Variants in PCDH9 observed in about 807,000 individuals in gnomAD.
PCDH9 encodes the protein protocadherin-9.
In PCDH9, 24 loss-of-function variants were observed where a neutral mutation model predicts 70.6. That is an observed-to-expected ratio of 0.34 (90% CI 0.25 to 0.48). PCDH9 has a LOEUF of 0.48. PCDH9 is among the 20% of genes least tolerant of loss of function. The pLI, the probability that PCDH9 is intolerant of heterozygous loss-of-function variation, is 0.99. For synonymous variants in PCDH9, 562 were observed against 558.5 expected (o/e 1.01, Z -0.09); for missense variants, 1,281 against 1,503.6 (o/e 0.85, Z 2.45).
At chr13:66,475,271 GGCACATAGTA>G (rs1220101711) in intron 4 of PCDH9, among the ~76,000 whole-genome samples, 2 of 152,032 alleles carry the variant, frequency 1.3e-5, no homozygotes, top group Non-Finnish European at 2.9e-5. Flanking sequence ...CACACTTGCT[GGCACATAGTA>G]GATGCACAAA....
At chr13:67,180,007 T>C (rs1434830157) in intron 2 of PCDH9, among the ~76,000 whole-genome samples, 1 of 152,158 alleles carries the variant, frequency 6.6e-6, no homozygotes, top group African/African-American at 2.4e-5. Context: ...TTTGCATATA[T>C]AGTCAATTCT....
At chr13:67,075,944 C>T (rs895829376) in intron 2 of PCDH9, among the ~76,000 whole-genome samples, 2 of 151,950 alleles carry the variant, frequency 1.3e-5, no homozygotes, top group African/African-American at 2.4e-5. Flanking sequence ...TTGGGAAAAA[C>T]GTGGCAAAAA....
chr13:66,321,845 T>C (rs1424632382), intron 4 of PCDH9, among the ~76,000 whole-genome samples: 1 of 151,980 alleles, frequency 6.6e-6, no homozygotes, highest in Admixed American at 6.6e-5. Context: ...GTGGAGTAGA[T>C]GCTTTCTTTC....
intron 2 of PCDH9, among the ~76,000 whole-genome samples, chr13:66,979,866 T>C (rs949400689): frequency 2.0e-5 from 3 of 152,108 alleles, no homozygotes; most frequent in African/African-American, 7.2e-5. Context: ...CTTTTTTCTC[T>C]TTAGCTTTGC....
chr13:66,524,770 A>T (rs1960140977), intron 4 of PCDH9, among the ~76,000 whole-genome samples: 1 of 152,206 alleles, frequency 6.6e-6, no homozygotes, highest in Admixed American at 6.6e-5. Context: ...ACACAAGCCA[A>T]TATGTTGCCG....
At chr13:66,596,720 G>A (rs2077107475) in intron 4 of PCDH9, among the ~76,000 whole-genome samples, 1 of 151,056 alleles carries the variant, frequency 6.6e-6, no homozygotes, top group Non-Finnish European at 1.5e-5. Flanking sequence ...AAATCTATAT[G>A]ATGTAATTCT....
intron 4 of PCDH9, among the ~76,000 whole-genome samples, chr13:66,426,555 A>T (rs1408103686): frequency 6.6e-6 from 1 of 151,696 alleles, no homozygotes. Flanking sequence ...AGAAATTCAT[A>T]TGTTAAGGTC....
chr13:66,932,554 T>C (rs2082828990), intron 2 of PCDH9, among the ~76,000 whole-genome samples: 2 of 151,828 alleles, frequency 1.3e-5, no homozygotes, highest in Non-Finnish European at 2.9e-5. Flanking sequence ...AAATATCCTA[T>C]TTAATTCCCA....
intron 3 of PCDH9, among the ~76,000 whole-genome samples, chr13:66,865,682 T>C (rs986531983): frequency 3.9e-5 from 6 of 152,184 alleles, no homozygotes; most frequent in Non-Finnish European, 8.8e-5. Flanking sequence ...GTGGGATGCA[T>C]TGGAAATGTC....
At chr13:67,001,755 C>T (rs567233719) in intron 2 of PCDH9, 1 of 152,314 alleles carries the variant, frequency 6.6e-6, no homozygotes, top group East Asian at 1.9e-4. Context: ...CTTGAGGAGA[C>T]CATCTTTGTC....
chr13:67,023,423 A>G (rs2139866151), intron 2 of PCDH9, among the ~76,000 whole-genome samples: 1 of 152,338 alleles, frequency 6.6e-6, no homozygotes, highest in African/African-American at 2.4e-5. Context: ...TATATATGGC[A>G]ACATAATCAA....
At chr13:66,748,777 C>T (rs2079411673) in intron 3 of PCDH9, among the ~76,000 whole-genome samples, 1 of 152,190 alleles carries the variant, frequency 6.6e-6, no homozygotes, top group South Asian at 2.1e-4. Context: ...AAACACTCAG[C>T]TATATACTTG....
At chr13:66,627,321 G>A (rs4556684) in intron 4 of PCDH9, among the ~76,000 whole-genome samples, 37,654 of 151,886 alleles carry the variant, frequency 0.25, 5,068 homozygotes, top group Middle Eastern at 0.35. Context: ...GAACTAAATA[G>A]CAAAATTATT....
At chr13:66,702,910 A>C (rs2078665354) in intron 3 of PCDH9, among the ~76,000 whole-genome samples, 2 of 152,204 alleles carry the variant, frequency 1.3e-5, no homozygotes, top group Non-Finnish European at 2.9e-5. Context: ...GATTATAATG[A>C]AAGAGACTTC....
At chr13:66,648,310 A>G (rs906632873) in intron 3 of PCDH9, among the ~76,000 whole-genome samples, 6 of 152,200 alleles carry the variant, frequency 3.9e-5, no homozygotes, top group African/African-American at 1.4e-4. Flanking sequence ...TTGGGTGGCC[A>G]CAGGAGTGCT....
At chr13:66,939,654 G>A (rs1221031710) in intron 2 of PCDH9, among the ~76,000 whole-genome samples, 1 of 152,030 alleles carries the variant, frequency 6.6e-6, no homozygotes, top group African/African-American at 2.4e-5. Flanking sequence ...CTGACCTCAA[G>A]TGATCCACCC....
intron 3 of PCDH9, among the ~76,000 whole-genome samples, chr13:66,875,800 A>AT: frequency 6.6e-6 from 1 of 152,190 alleles, no homozygotes; most frequent in Non-Finnish European, 1.5e-5. Flanking sequence ...CTGGACAACT[A>AT]TTCATACTGG....
At chr13:66,519,354 A>G (rs1959885442) in intron 4 of PCDH9, among the ~76,000 whole-genome samples, 1 of 152,120 alleles carries the variant, frequency 6.6e-6, no homozygotes, top group South Asian at 2.1e-4. Context: ...TAAATTCACC[A>G]TTAATCGGGT....
intron 4 of PCDH9, among the ~76,000 whole-genome samples, chr13:66,439,319 A>T (rs906476607): frequency 6.6e-5 from 10 of 152,226 alleles, no homozygotes; most frequent in African/African-American, 2.2e-4. Flanking sequence ...TATAAAATAC[A>T]GTTAACAAGA....
Sources: allele counts gnomAD v4.1 joint callset (sites outside exome capture counted in the v4.1 genomes callset), GRCh38; gene constraint gnomAD v4.1.1; transcripts MANE v1.5; gene names NCBI Gene and HGNC (gene_info 2026-07-23, HGNC 2026-07-21).